The following CSMD1 variants were observed in gnomAD, a reference collection of about 807,000 sequenced individuals.
CSMD1 encodes the protein CUB and Sushi multiple domains 1.
CSMD1 carries 213 observed loss-of-function variants against 417.5 expected under a neutral mutation model. That is an observed-to-expected ratio of 0.51 (90% CI 0.46 to 0.57). The LOEUF (loss-of-function observed/expected upper bound fraction) is 0.57, where lower values mean the gene tolerates loss of function less well. CSMD1 is among the 20% of genes least tolerant of loss of function. CSMD1 has a pLI of 0.00. For missense variants in CSMD1, 6,923 were observed against 4,529.7 expected (o/e 1.53, Z -15.17); for synonymous variants, 2,862 against 1,736.8 (o/e 1.65, Z -16.11).
chr8:4,892,702 T>G (rs1257480114), intron 1 of CSMD1, among the ~76,000 whole-genome samples: 1 of 152,084 alleles, frequency 6.6e-6, no homozygotes, highest in Non-Finnish European at 1.5e-5. Flanking sequence ...TTTTGTACAT[T>G]TACTGATATA....
At chr8:3,895,125 T>A (rs144938650) in intron 5 of CSMD1, among the ~76,000 whole-genome samples, 2 of 152,200 alleles carry the variant, frequency 1.3e-5, no homozygotes, top group Admixed American at 1.3e-4. Flanking sequence ...ATGTGATTCA[T>A]GAATCACCTA....
chr8:3,177,830 C>T (rs1169753674), intron 37 of CSMD1, among the ~76,000 whole-genome samples: 2 of 152,048 alleles, frequency 1.3e-5, no homozygotes, highest in Non-Finnish European at 2.9e-5. Flanking sequence ...TTTGTAATTT[C>T]CAGGATAAAT....
At chr8:3,254,964 C>T (rs1377285739) in intron 26 of CSMD1, among the ~76,000 whole-genome samples, 1 of 152,116 alleles carries the variant, frequency 6.6e-6, no homozygotes, top group Non-Finnish European at 1.5e-5. Context: ...TTAGAGTTTA[C>T]AGTTTTTCTG....
At chr8:4,758,809 C>T (rs967347671) in intron 1 of CSMD1, among the ~76,000 whole-genome samples, 13 of 152,114 alleles carry the variant, frequency 8.5e-5, no homozygotes, top group Non-Finnish European at 2.9e-5. Flanking sequence ...AACCTTCCCC[C>T]ATAATCCAAC....
chr8:4,781,546 G>C lies in CSMD1; in HGVS notation c.86-143988C>G, dbSNP rs1026297268. ...TAATTAAAAATCATAAGGCCAATAGGATAATAAAAGTTTCACTTTTGTGGG... is the reference window on the plus strand; with the variant it reads ...TAATTAAAAATCATAAGGCCAATAGCATAATAAAAGTTTCACTTTTGTGGG... On this transcript the variant is annotated intron_variant, in intron 1 of 69. Coordinates refer to ENST00000635120, the MANE Select transcript of CSMD1 (RefSeq NM_033225.6). Among the ~76,000 whole-genome samples, 6 of 152,116 alleles carry C rather than the reference G, an allele frequency of 3.9e-5. No homozygotes were observed. The East Asian group carries it at 1.2e-3, about 29-fold the overall frequency.
intron 3 of CSMD1, among the ~76,000 whole-genome samples, chr8:4,291,832 G>T (rs17413309): frequency 0.08 from 12,148 of 152,180 alleles, 558 homozygotes; most frequent in South Asian, 0.16. Flanking sequence ...AAACCATATG[G>T]CCTTTGCAAA....
At chr8:3,052,726 CATT>C in intron 49 of CSMD1, 79 bp from the exon 50 acceptor site, 1 of 994,708 alleles carries the variant, frequency 1.0e-6, no homozygotes, top group Non-Finnish European at 1.4e-6. Flanking sequence ...ATTGATTAAT[CATT>C]ATTATTGACT....
chr8:3,000,472 A>C (rs2128955588), intron 52 of CSMD1, among the ~76,000 whole-genome samples: 1 of 152,272 alleles, frequency 6.6e-6, no homozygotes, highest in East Asian at 1.9e-4. Context: ...TAAAGAAGGA[A>C]TTCTTGGAAT....
intron 7 of CSMD1, among the ~76,000 whole-genome samples, chr8:3,660,157 T>C (rs1054528352): frequency 1.3e-5 from 2 of 152,216 alleles, no homozygotes; most frequent in Admixed American, 1.3e-4. Flanking sequence ...TCATTTGTAA[T>C]GAGAGGCTAT....
intron 8 of CSMD1, among the ~76,000 whole-genome samples, chr8:3,608,206 G>C (rs897441854): frequency 2.7e-5 from 4 of 149,452 alleles, no homozygotes; most frequent in Non-Finnish European, 4.4e-5. Flanking sequence ...AAGGAAGAAA[G>C]ACAGGACACT....
intron 7 of CSMD1, among the ~76,000 whole-genome samples, chr8:3,649,696 G>A (rs1044832460): frequency 1.3e-5 from 2 of 152,094 alleles, no homozygotes; most frequent in African/African-American, 4.8e-5. Flanking sequence ...TGACACATGA[G>A]GATTATCGGG....
intron 1 of CSMD1, among the ~76,000 whole-genome samples, chr8:4,741,692 G>T (rs557966331): frequency 6.6e-6 from 1 of 152,082 alleles, no homozygotes; most frequent in Non-Finnish European, 1.5e-5. Context: ...CTTTTCCATT[G>T]TCTTCACTAC....
chr8:4,033,400 C>G (rs549723282), intron 3 of CSMD1, among the ~76,000 whole-genome samples: 1 of 152,274 alleles, frequency 6.6e-6, no homozygotes, highest in African/African-American at 2.4e-5. Flanking sequence ...CGAGATCGCA[C>G]CACTGCACTC....
At chr8:3,673,229 C>A (rs1328297028) in intron 7 of CSMD1, among the ~76,000 whole-genome samples, 1 of 152,182 alleles carries the variant, frequency 6.6e-6, no homozygotes, top group Non-Finnish European at 1.5e-5. Flanking sequence ...CCACAATAAA[C>A]ATTTCCAAAT....
intron 22 of CSMD1, among the ~76,000 whole-genome samples, chr8:3,347,467 G>C (rs567948177): frequency 6.6e-6 from 1 of 152,208 alleles, no homozygotes; most frequent in Non-Finnish European, 1.5e-5. Context: ...AGCCCTGTCT[G>C]TGATCTGACC....
intron 36 of CSMD1, among the ~76,000 whole-genome samples, chr8:3,186,896 T>C (rs775401769): frequency 1.4e-4 from 22 of 152,340 alleles, no homozygotes; most frequent in African/African-American, 5.3e-4. Context: ...GTTGGTGCTG[T>C]CATATTGGCT....
At chr8:3,405,907 G>A (rs942191171) in intron 15 of CSMD1, 120 bp downstream of exon 15, 14 of 857,602 alleles carry the variant, frequency 1.6e-5, no homozygotes, top group Admixed American at 1.6e-4. Context: ...TTAAGTGACT[G>A]TGTGTGGTAT....
At chr8:4,470,401 A>G (rs982853217) in intron 2 of CSMD1, among the ~76,000 whole-genome samples, 2 of 152,234 alleles carry the variant, frequency 1.3e-5, no homozygotes, top group African/African-American at 4.8e-5. Context: ...CTGTAGAATT[A>G]TCACCTGACA....
intron 3 of CSMD1, among the ~76,000 whole-genome samples, chr8:4,251,504 A>G (rs563938747): frequency 6.6e-6 from 1 of 152,304 alleles, no homozygotes; most frequent in East Asian, 1.9e-4. Context: ...AAAGGACAAG[A>G]TAGTTATATC....
Sources: gnomAD v4.1 joint callset for allele counts (sites outside exome capture counted in the v4.1 genomes callset) on GRCh38, gnomAD v4.1.1 for gene constraint, MANE v1.5 for transcripts, NCBI Gene and HGNC (gene_info 2026-07-23, HGNC 2026-07-21) for gene names.